PRDM4: variants seen among roughly 807,000 people sequenced by gnomAD.
The protein encoded by PRDM4 is PR domain zinc finger protein 4.
PRDM4 carries 38 observed loss-of-function variants against 62.3 expected under a neutral mutation model. The ratio of observed to expected loss-of-function variants is 0.61; its 90% confidence interval spans 0.47 to 0.80. The LOEUF (loss-of-function observed/expected upper bound fraction) is 0.80, where lower values mean the gene tolerates loss of function less well. PRDM4 is among the 30% of genes least tolerant of loss of function. The pLI, the probability that PRDM4 is intolerant of heterozygous loss-of-function variation, is 0.00. For synonymous variants in PRDM4, 339 were observed against 348.2 expected, an observed-to-expected ratio of 0.97 and a Z score of 0.30; for missense variants, 858 against 997.1, an observed-to-expected ratio of 0.86 and a Z score of 1.88.
At chr12:107,760,207 A>C (rs937311006) in intron 2 of PRDM4, among the ~76,000 whole-genome samples, 13 of 152,222 alleles carry the variant, frequency 8.5e-5, no homozygotes, top group Non-Finnish European at 1.6e-4. Flanking sequence ...ATAAGATAAC[A>C]ATACACGTTG....
rs1356223140 is a variant in PRDM4, at chr12:107,753,375, G to GAA, written c.331+547_331+548dup. Among the ~76,000 whole-genome samples, 456 of 97,640 alleles carry GAA rather than the reference G, an allele frequency of 4.7e-3. 4 individuals are homozygous for GAA. Among genetic ancestry groups the GAA allele is most frequent in the African/African-American group, 0.017 (433 of 24,986 alleles). The allele number at this position is 97,640 out of a possible 152,430, so 64.1% of individuals were successfully genotyped here. A position where few individuals can be genotyped will look rare whatever the true frequency, so the allele number is the denominator to read the frequency against. ...AGTTGAGACTCCGTCTCCATTAAAA[G>GAA]AAAAAAAAAAAAAAGAAAAGAAAAA... On this transcript the variant is annotated intron_variant, in intron 4 of 11. Transcript: ENST00000228437.
chr12:107,749,964 C>G (rs1890837840), intron 5 of PRDM4, among the ~76,000 whole-genome samples: 1 of 152,176 alleles, frequency 6.6e-6, no homozygotes, highest in African/African-American at 2.4e-5. Context: ...CTCCTGTCTT[C>G]CTGACTCTCA....
chr12:107,750,145 A>G (rs1244075181), intron 5 of PRDM4, among the ~76,000 whole-genome samples: 1 of 152,220 alleles, frequency 6.6e-6, no homozygotes, highest in Non-Finnish European at 1.5e-5. Context: ...ATATTGTAAC[A>G]GTCTCCTATG....
Position 107,760,608 on chromosome 12 carries a change from T to A in PRDM4, c.-93A>T, listed in dbSNP as rs1443591606. On this transcript the variant is annotated 5_prime_UTR_variant, in exon 2 of 12. Coordinates refer to ENST00000228437, the MANE Select transcript of PRDM4 (RefSeq NM_012406.4). ...TCCAGGGTCACGTGCTACCACATCT[T>A]GCTCACAACCGCTGCACCGACGCGG... The A allele has an allele frequency of 2.5e-5, 38 of 1,512,132 alleles. No homozygotes were observed. The highest frequency in any genetic ancestry group is 3.4e-5 in the Non-Finnish European group (38 of 1,107,054). 93.7% of individuals were successfully genotyped at this position (1,512,132 alleles called of 1,614,324 possible).
chr12:107,733,627 A>C lies in PRDM4; in HGVS notation c.*583T>G, dbSNP rs188629459. ...TTATTTGCCCTCCAGGCACCTGCCGAAACTTTGGAAAACAAGATCTACCCT... is the reference window on the plus strand; with the variant it reads ...TTATTTGCCCTCCAGGCACCTGCCGCAACTTTGGAAAACAAGATCTACCCT... On this transcript the variant is annotated 3_prime_UTR_variant, in exon 12 of 12. Coordinates refer to ENST00000228437, the MANE Select transcript of PRDM4 (RefSeq NM_012406.4). The C allele has an allele frequency of 1.3e-5, 2 of 152,644 alleles. No homozygotes were observed. The highest frequency in any genetic ancestry group is 1.3e-4 in the Admixed American group (2 of 15,318). The allele number at this position is 152,644 out of a possible 1,614,324, so 9.5% of individuals were successfully genotyped here.
chr12:107,736,261 T>C (rs1890326055), intron 11 of PRDM4, among the ~76,000 whole-genome samples: 1 of 152,204 alleles, frequency 6.6e-6, no homozygotes, highest in African/African-American at 2.4e-5. Flanking sequence ...TAACGTGGTA[T>C]CATATAGCAA....
chr12:107,751,003 C>T (rs947862595), intron 5 of PRDM4, among the ~76,000 whole-genome samples: 8 of 152,148 alleles, frequency 5.3e-5, no homozygotes, highest in Non-Finnish European at 1.0e-4. Flanking sequence ...TCAAGCAACC[C>T]TCTTCCTCAG....
At chr12:107,741,459 T>C (rs1376065240) in intron 9 of PRDM4, among the ~76,000 whole-genome samples, 199 bp from the exon 10 acceptor site, 2 of 152,188 alleles carry the variant, frequency 1.3e-5, no homozygotes, top group East Asian at 3.9e-4. Flanking sequence ...CCTGCAATCT[T>C]AGTGCTTTGA....
chr12:107,741,546 T>G (rs1046864219), intron 9 of PRDM4, among the ~76,000 whole-genome samples: 1 of 143,020 alleles, frequency 7.0e-6, no homozygotes, highest in Non-Finnish European at 1.5e-5. Flanking sequence ...CCCATCTCCA[T>G]AAAAAAAAAA....
At chr12:107,736,415 A>T (rs949801493) in intron 11 of PRDM4, 1 of 152,298 alleles carries the variant, frequency 6.6e-6, no homozygotes, top group African/African-American at 2.4e-5. Flanking sequence ...ATCTGGAGGG[A>T]GAAGTTTCTA....
At position 107,740,356 on chromosome 12, in the gene PRDM4, G is replaced by A. The variant is rs549207839; in HGVS notation, c.1924+590C>T. 1.3e-4 allele frequency among the ~76,000 whole-genome samples: 20 copies of A among 152,072 alleles called. No individual in the cohort carries two copies. In the South Asian group the frequency reaches 2.9e-3, roughly 22 times the overall value. The stretch of plus-strand genomic sequence containing the variant: ...ACAAAAATTAGTCAGGTGTGGTGGC[G>A]CATGTCTGCAGTCCATGCTACTCAG... On this transcript the variant is annotated intron_variant, in intron 10 of 11. Transcript: ENST00000228437.
At chr12:107,735,319 C>T (rs1890293869) in intron 11 of PRDM4, among the ~76,000 whole-genome samples, 1 of 152,192 alleles carries the variant, frequency 6.6e-6, no homozygotes, top group African/African-American at 2.4e-5. Flanking sequence ...TCAATATACA[C>T]ATCCATCATT....
intron 10 of PRDM4, among the ~76,000 whole-genome samples, chr12:107,740,353 G>GCATGTCT (rs1474854418): frequency 6.6e-6 from 1 of 152,058 alleles, no homozygotes. Flanking sequence ...CAGGTGTGGT[G>GCATGTCT]GCGCATGTCT....
rs1157979629 is a variant in PRDM4, at chr12:107,754,008, A to C, written c.247T>G (p.Cys83Gly). The C allele has an allele frequency of 1.2e-6, 2 of 1,613,956 alleles. No homozygotes were observed. Among genetic ancestry groups the C allele is most frequent in the African/African-American group, 2.7e-5 (2 of 74,910 alleles). The change falls in exon 4 of 12, where the codon TGT becomes GGT. Residue 83 changes from cysteine (C) to glycine (G), a missense_variant. Transcript: ENST00000228437. ...PMGIGDRGVM[C>G]GLPERNYTLP... The stretch of plus-strand genomic sequence containing the variant: ...GTGTAGTTTCTTTCAGGTAACCCAC[A>C]CATCACCCCTCGATCCCCAATACCC...
intron 5 of PRDM4, among the ~76,000 whole-genome samples, chr12:107,747,570 A>G (rs979731040): frequency 5.3e-5 from 8 of 152,138 alleles, no homozygotes; most frequent in African/African-American, 1.9e-4. Context: ...CTGCATTGGC[A>G]GAGAGGATGC....
chr12:107,741,587 T>C (rs1890520941), intron 9 of PRDM4, among the ~76,000 whole-genome samples: 1 of 151,792 alleles, frequency 6.6e-6, no homozygotes, highest in East Asian at 1.9e-4. Context: ...GGCATGGTGA[T>C]GTACACCCAT....
chr12:107,744,422 T>C (rs1593166964), intron 7 of PRDM4, 121 bp downstream of exon 7: 1 of 1,108,608 alleles, frequency 9.0e-7, no homozygotes, highest in Non-Finnish European at 1.3e-6. Context: ...GTGAAATAAA[T>C]GACTGACCAG....
Position 107,751,633 on chromosome 12 carries a change from A to T in PRDM4, c.908T>A (p.Leu303His), listed in dbSNP as rs915308746. The change falls in exon 5 of 12, where the codon CTC becomes CAC. Residue 303 changes from leucine (L) to histidine (H), a missense_variant. Leu to His is a moderately conservative substitution (Grantham distance 99). Coordinates refer to ENST00000228437, the MANE Select transcript of PRDM4 (RefSeq NM_012406.4). ...GGAGGCAAGGTTGTGTGAGGTAGAG[A>T]GTGCCACGCTTACAGAGTTGGTGCT... ...AMSTNSVSVA[L>H]STSHNLASLE... is the part of the protein sequence containing the mutation. 7.4e-6 allele frequency: 12 copies of T among 1,614,052 alleles called. No individual in the cohort carries two copies. The highest frequency in any genetic ancestry group is 1.0e-5 in the Non-Finnish European group (12 of 1,179,932).
chr12:107,753,153 C>T (rs1890951285), intron 4 of PRDM4, among the ~76,000 whole-genome samples: 3 of 152,168 alleles, frequency 2.0e-5, no homozygotes, highest in Non-Finnish European at 2.9e-5. Context: ...GGGCGGATGG[C>T]TTCAGCGCAG....
Sources: gnomAD v4.1 joint callset for allele counts (sites outside exome capture counted in the v4.1 genomes callset) on GRCh38, gnomAD v4.1.1 for gene constraint, MANE v1.5 for transcripts, NCBI Gene and HGNC (gene_info 2026-07-23, HGNC 2026-07-21) for gene names.